Variants in PDZD2 observed in about 807,000 individuals in gnomAD.
PDZD2 encodes the protein PDZ domain containing 2.
In PDZD2, 90 loss-of-function variants were observed where a neutral mutation model predicts 220.7. The observed-to-expected ratio is 0.41, with a 90% CI of 0.34 to 0.49. PDZD2 has a LOEUF of 0.49. PDZD2 is among the 20% of genes least tolerant of loss of function. The pLI is 0.28. For missense variants in PDZD2, 3,174 were observed against 3,608.5 expected (o/e 0.88, Z 3.08); for synonymous variants, 1,375 against 1,450.5 (o/e 0.95, Z 1.18).
intron 2 of PDZD2, among the ~76,000 whole-genome samples, chr5:31,829,101 C>T (rs1225574617): frequency 1.3e-5 from 2 of 152,122 alleles, no homozygotes; most frequent in Non-Finnish European, 2.9e-5. Context: ...TGGGGGCTTC[C>T]AAACTTGTTC....
chr5:31,671,497 C>G (rs905942615), intron 1 of PDZD2, among the ~76,000 whole-genome samples: 1 of 152,122 alleles, frequency 6.6e-6, no homozygotes, highest in Non-Finnish European at 1.5e-5. Context: ...GTGCTGTGCT[C>G]ATAGCAGCGG....
intron 1 of PDZD2, among the ~76,000 whole-genome samples, chr5:31,784,258 A>G (rs1490277126): frequency 6.6e-6 from 1 of 152,224 alleles, no homozygotes; most frequent in Non-Finnish European, 1.5e-5. Flanking sequence ...CACTAAATCC[A>G]GAGGTGTCCT....
intron 2 of PDZD2, among the ~76,000 whole-genome samples, chr5:31,805,532 CAG>C (rs1373326135): frequency 6.6e-6 from 1 of 152,148 alleles, no homozygotes. Flanking sequence ...CAGTGGGTTT[CAG>C]GGGTCAACAC....
chr5:31,998,436 A>G (rs545208179), intron 4 of PDZD2, among the ~76,000 whole-genome samples: 65 of 152,356 alleles, frequency 4.3e-4, no homozygotes, highest in African/African-American at 1.5e-3. Flanking sequence ...CCCTAGAGGA[A>G]GGAGACAGAA....
chr5:31,860,265 G>A (rs1191678135), intron 2 of PDZD2, among the ~76,000 whole-genome samples: 1 of 152,086 alleles, frequency 6.6e-6, no homozygotes, highest in East Asian at 1.9e-4. Flanking sequence ...CCTTCACTTG[G>A]TACCTAGGGC....
At chr5:31,673,549 G>T (rs192198607) in intron 1 of PDZD2, among the ~76,000 whole-genome samples, 2 of 152,284 alleles carry the variant, frequency 1.3e-5, no homozygotes, top group Admixed American at 6.5e-5. Flanking sequence ...CAAACTGAAT[G>T]ATTTTGTCCC....
At chr5:31,839,000 C>T (rs549747775) in intron 2 of PDZD2, among the ~76,000 whole-genome samples, 140 of 152,314 alleles carry the variant, frequency 9.2e-4, no homozygotes, top group Non-Finnish European at 1.6e-3. Context: ...CCCTCCAGAT[C>T]ATCTGTCCTG....
In PDZD2 at chr5:31,874,760, T is replaced by TAAA. The variant is rs11390710; in HGVS notation, c.476+75050_476+75052dup. Reference sequence around the variant, plus strand: ...TGGGCAGCAGAACACGACTCTATCTTAAAAAAAAAAAAAAAAGATAAAATG... The same window carrying TAAA: ...TGGGCAGCAGAACACGACTCTATCTTAAAAAAAAAAAAAAAAAAAGATAAAATG... On this transcript the variant is annotated intron_variant, in intron 2 of 24. Transcript: ENST00000438447. Among the ~76,000 whole-genome samples, 926 of 139,188 alleles carry TAAA rather than the reference T, an allele frequency of 6.7e-3. 13 individuals carry two copies. Among genetic ancestry groups the TAAA allele is most frequent in the African/African-American group, 0.023 (878 of 37,630 alleles). 91.3% of individuals were successfully genotyped at this position (139,188 alleles called of 152,430 possible).
At chr5:31,706,294 G>C (rs550805993) in intron 1 of PDZD2, among the ~76,000 whole-genome samples, 3 of 152,146 alleles carry the variant, frequency 2.0e-5, no homozygotes, top group Non-Finnish European at 4.4e-5. Context: ...GGAGTAATAG[G>C]TTCAGCAAAG....
At chr5:31,985,803 G>T (rs1581216903) in intron 3 of PDZD2, among the ~76,000 whole-genome samples, 1 of 152,178 alleles carries the variant, frequency 6.6e-6, no homozygotes, top group Middle Eastern at 3.4e-3. Flanking sequence ...TTCTGGCCGG[G>T]CGCAGTGGCT....
chr5:31,830,342 T>TTTA (rs1554080608), intron 2 of PDZD2, among the ~76,000 whole-genome samples: 2 of 147,432 alleles, frequency 1.4e-5, no homozygotes, highest in African/African-American at 5.1e-5. Context: ...ATTTTTTTTT[T>TTTA]TTTTTTTGTA....
At chr5:32,059,201 T>A in intron 12 of PDZD2, 38 bp from the exon 13 acceptor site, 1 of 1,120,346 alleles carries the variant, frequency 8.9e-7, no homozygotes, top group South Asian at 1.3e-5. Flanking sequence ...GATTGTGTAA[T>A]TTTTGTTTTT....
At chr5:31,816,892 G>A (rs575635670) in intron 2 of PDZD2, among the ~76,000 whole-genome samples, 78 of 152,276 alleles carry the variant, frequency 5.1e-4, no homozygotes, top group Non-Finnish European at 7.4e-4. Flanking sequence ...GCTGTTAAAA[G>A]CAGCATCCAG....
chr5:31,874,344 TTGTC>T (rs1739107468), intron 2 of PDZD2, among the ~76,000 whole-genome samples: 1 of 152,194 alleles, frequency 6.6e-6, no homozygotes, highest in African/African-American at 2.4e-5. Flanking sequence ...AACCATTTAT[TTGTC>T]TGCCCTGTTT....
At position 32,074,701 on chromosome 5, in the gene PDZD2, G is replaced by A. The variant is rs969175611; in HGVS notation, c.3537+58G>A. 3 of 1,161,838 alleles carry A rather than the reference G, an allele frequency of 2.6e-6. No homozygotes were observed. The African/African-American group carries it at 4.6e-5, about 18-fold the overall frequency. The allele number at this position is 1,161,838 out of a possible 1,614,324, so 72.0% of individuals were successfully genotyped here. A position where few individuals can be genotyped will look rare whatever the true frequency, so the allele number is the denominator to read the frequency against. On this transcript the variant is annotated intron_variant, in intron 18 of 24. Transcript: ENST00000438447. ...AAGTGCATGAATATGTGTGAGTGAA[G>A]ATGGAGTCTGTTGTAAAGCATGGGT...
chr5:31,919,324 C>T (rs535067023), intron 2 of PDZD2, among the ~76,000 whole-genome samples: 5 of 151,808 alleles, frequency 3.3e-5, no homozygotes, highest in Non-Finnish European at 5.9e-5. Context: ...TAAGTTTAGC[C>T]CCATAGTTGT....
chr5:32,065,852 C>T (rs759117950), intron 14 of PDZD2, among the ~76,000 whole-genome samples: 2 of 152,080 alleles, frequency 1.3e-5, no homozygotes, highest in Non-Finnish European at 2.9e-5. Flanking sequence ...TGGGTAAAAC[C>T]CTGTCTCTAC....
intron 2 of PDZD2, among the ~76,000 whole-genome samples, chr5:31,833,747 G>A (rs1326545392): frequency 1.3e-5 from 2 of 152,306 alleles, no homozygotes; most frequent in South Asian, 2.1e-4. Context: ...AAAACCTTTA[G>A]GGCAGAGCTT....
chr5:31,849,871 CATATATATATAT>C (rs1205582836), intron 2 of PDZD2, among the ~76,000 whole-genome samples: 1 of 50,570 alleles, frequency 2.0e-5, no homozygotes, highest in Non-Finnish European at 3.0e-5. Flanking sequence ...TATATATATA[CATATATATATAT>C]ATATACACAT....
Sources: allele counts gnomAD v4.1 joint callset (sites outside exome capture counted in the v4.1 genomes callset), GRCh38; gene constraint gnomAD v4.1.1; transcripts MANE v1.5; gene names NCBI Gene and HGNC (gene_info 2026-07-23, HGNC 2026-07-21).